The following RANGAP1 variants were observed in gnomAD, a reference collection of about 807,000 sequenced individuals.
RANGAP1 encodes Ran GTPase activating protein 1, also known as ran GTPase-activating protein 1.
A neutral mutation model predicts 63.5 loss-of-function variants in RANGAP1; 38 were observed. That is an observed-to-expected ratio of 0.60 (90% CI 0.46 to 0.78). The LOEUF is 0.78. Ranked by LOEUF, RANGAP1 falls within the 30% of genes least tolerant of loss-of-function variation. The probability of loss-of-function intolerance (pLI) is 0.00; values close to 1 mark genes in which losing one functional copy is unlikely to be tolerated. For missense variants in RANGAP1, 630 were observed against 740.3 expected, an observed-to-expected ratio of 0.85 and a Z score of 1.73; for synonymous variants, 329 against 310.5, an observed-to-expected ratio of 1.06 and a Z score of -0.63.
rs1433144808 is a variant in RANGAP1, at chr22:41,286,108, G to A, written c.-161C>T. The A allele has an allele frequency of 2.0e-5, 3 of 152,358 alleles. No individual in the cohort carries two copies. Among genetic ancestry groups the A allele is most frequent in the Non-Finnish European group, 2.9e-5 (2 of 68,112 alleles). The allele number at this position is 152,358 out of a possible 1,614,324, so 9.4% of individuals were successfully genotyped here. On this transcript the variant is annotated 5_prime_UTR_variant, in exon 1 of 16. Transcript: ENST00000356244. Reference sequence around the variant, plus strand: ...CACCTCCGGATCCAGCGGTCCAGATGTCCAGCCGGCTAGTCTGTTAGCTCT... The same window carrying A: ...CACCTCCGGATCCAGCGGTCCAGATATCCAGCCGGCTAGTCTGTTAGCTCT...
At chr22:41,274,568 C>T in intron 3 of RANGAP1, 32 bp downstream of exon 3, 2 of 1,611,756 alleles carry the variant, frequency 1.2e-6, no homozygotes, top group South Asian at 2.2e-5. Flanking sequence ...TTGTTCAAAC[C>T]AGCCTGGGCC....
Position 41,279,208 on chromosome 22 carries a change from C to T in RANGAP1, c.112+1725G>A, listed in dbSNP as rs566374149. Among the ~76,000 whole-genome samples the T allele has an allele frequency of 6.6e-5, 10 of 152,132 alleles. 1 individual carries two copies. The East Asian group carries it at 1.2e-3, about 18-fold the overall frequency. ...GCTGAAGGCCAGACACAGTGGCTCA[C>T]GCCTGTTATCCCAGTACTTTGGGGG... On this transcript the variant is annotated intron_variant, in intron 2 of 15. Transcript: ENST00000356244.
intron 5 of RANGAP1, 91 bp downstream of exon 5, chr22:41,264,573 C>T: frequency 7.1e-7 from 1 of 1,414,650 alleles, no homozygotes. Flanking sequence ...GCTGACCATC[C>T]CAGATGGTGG....
At chr22:41,295,039 C>A in the RANGAP1 span, among the ~76,000 whole-genome samples, 1 of 145,170 alleles carries the variant, frequency 6.9e-6, no homozygotes, top group African/African-American at 2.5e-5. Context: ...GGGGTCAGTC[C>A]CCCGCCCGGC....
In RANGAP1 at chr22:41,257,770, CT is replaced by C. The variant is rs2033929122; in HGVS notation, c.774+177del. Among the ~76,000 whole-genome samples, 12 of 152,186 alleles carry C rather than the reference CT, an allele frequency of 7.9e-5. No homozygotes were observed. Among genetic ancestry groups the C allele is most frequent in the Admixed American group, 7.9e-4 (12 of 15,266 alleles). On this transcript the variant is annotated intron_variant, in intron 7 of 15. Coordinates refer to ENST00000356244, the MANE Select transcript of RANGAP1 (RefSeq NM_002883.4). This position sits in a 1 kb window ranked among gnomAD's most constrained non-coding sequence, Gnocchi z 4.0. The stretch of plus-strand genomic sequence containing the variant: ...GCTGCCCGAGGAGGGCGTGGGTTAC[CT>C]TGGGACCTGCAACCCTGTTCAGGAC...
Position 41,280,094 on chromosome 22 carries a change from CA to C in RANGAP1, c.112+838del, listed in dbSNP as rs995481922. ...AGCCTGGGTGACAGAGACTCCATCT[CA>C]AAAAAAAAAAGTGATAAATGCACAG... On this transcript the variant is annotated intron_variant, in intron 2 of 15. Coordinates refer to ENST00000356244, the MANE Select transcript of RANGAP1 (RefSeq NM_002883.4). 4.6e-3 allele frequency among the ~76,000 whole-genome samples: 657 copies of C among 142,966 alleles called. 4 individuals carry two copies. Among genetic ancestry groups the C allele is most frequent in the Middle Eastern group, 0.014 (4 of 288 alleles). 93.8% of individuals were successfully genotyped at this position (142,966 alleles called of 152,430 possible). A position where few individuals can be genotyped will look rare whatever the true frequency, so the allele number is the denominator to read the frequency against.
At chr22:41,270,195 C>T (rs2034720623) in intron 3 of RANGAP1, among the ~76,000 whole-genome samples, 1 of 151,806 alleles carries the variant, frequency 6.6e-6, no homozygotes, top group Admixed American at 6.6e-5. Context: ...GGCTAGAGTG[C>T]AATGGCCTGA....
chr22:41,250,801 CCTCAGTTT>C (rs1218899628), intron 13 of RANGAP1, among the ~76,000 whole-genome samples, 198 bp downstream of exon 13: 1 of 152,134 alleles, frequency 6.6e-6, no homozygotes, highest in Non-Finnish European at 1.5e-5. Context: ...TTGGGAAAGG[CCTCAGTTT>C]CTCAGTGGTG....
At chr22:41,270,500 C>T (rs992898495) in intron 3 of RANGAP1, among the ~76,000 whole-genome samples, 5 of 152,216 alleles carry the variant, frequency 3.3e-5, no homozygotes, top group East Asian at 1.9e-4. Context: ...CAGGCCGGGG[C>T]GTAGCCATGC....
intron 15 of RANGAP1, among the ~76,000 whole-genome samples, chr22:41,248,755 T>G (rs989534115): frequency 6.6e-6 from 1 of 152,198 alleles, no homozygotes; most frequent in Non-Finnish European, 1.5e-5. Flanking sequence ...TACTTGACTG[T>G]GCCCATCACC....
At chr22:41,268,205 C>A in intron 3 of RANGAP1, 49 bp from the exon 4 acceptor site, 2 of 1,428,098 alleles carry the variant, frequency 1.4e-6, no homozygotes, top group African/African-American at 2.8e-5. Flanking sequence ...CCCCTGGAGG[C>A]CCATAGTGAA....
intron 5 of RANGAP1, among the ~76,000 whole-genome samples, chr22:41,263,230 G>C (rs1328135625): frequency 6.6e-6 from 1 of 152,180 alleles, no homozygotes; most frequent in African/African-American, 2.4e-5. Flanking sequence ...TCCAGGCACT[G>C]CTGGGCAGGA....
In RANGAP1 at chr22:41,257,886, G is replaced by A. The variant is rs2033936800; in HGVS notation, c.774+62C>T. The A allele has an allele frequency of 2.0e-6, 3 of 1,521,508 alleles. No homozygotes were observed. The highest frequency in any genetic ancestry group is 2.7e-6 in the Non-Finnish European group (3 of 1,122,800). 94.3% of individuals were successfully genotyped at this position (1,521,508 alleles called of 1,614,324 possible). On this transcript the variant is annotated intron_variant, in intron 7 of 15. Transcript: ENST00000356244. The surrounding 1 kb of genome is among the most constrained non-coding windows in gnomAD (Gnocchi z 4.0). ...TGCTAAACGGAGCCCCAGCTTCCCT[G>A]GAAAGACAGCAGCCAGCCTCTATCT...
At chr22:41,285,538 ACT>A in intron 1 of RANGAP1, 1 of 985,388 alleles carries the variant, frequency 1.0e-6, no homozygotes, top group Non-Finnish European at 1.2e-6. Context: ...GTCAGCAGTG[ACT>A]CACATCGATT....
chr22:41,270,234 A>G (rs1361662132), intron 3 of RANGAP1, among the ~76,000 whole-genome samples: 1 of 151,784 alleles, frequency 6.6e-6, no homozygotes, highest in East Asian at 1.9e-4. Context: ...TCCACCTCCC[A>G]AGTTCAAGTG....
At chr22:41,283,998 T>G (rs1053881342) in intron 1 of RANGAP1, among the ~76,000 whole-genome samples, 1 of 152,182 alleles carries the variant, frequency 6.6e-6, no homozygotes, top group Non-Finnish European at 1.5e-5. Flanking sequence ...CCTATAATCC[T>G]AGTACTTTGG....
At chr22:41,273,733 C>G (rs997492121) in intron 3 of RANGAP1, among the ~76,000 whole-genome samples, 9 of 129,448 alleles carry the variant, frequency 7.0e-5, no homozygotes, top group Non-Finnish European at 1.4e-4. Context: ...CACCACTGCA[C>G]ACCAGCCCGG....
Position 41,249,381 on chromosome 22 carries a change from T to C in RANGAP1, c.1643A>G (p.Gln548Arg), listed in dbSNP as rs1484347169. The C allele has an allele frequency of 6.2e-7, 1 of 1,613,846 alleles. No individual in the cohort carries two copies. Among genetic ancestry groups the C allele is most frequent in the African/African-American group, 1.3e-5 (1 of 74,958 alleles). Residue 548 changes from glutamine (Q) to arginine (R), a missense_variant, in exon 15 of 16, where the codon CAG (glutamine) becomes CGG (arginine). By Grantham distance (43) the Gln-to-Arg change is conservative. Coordinates refer to ENST00000356244, the MANE Select transcript of RANGAP1 (RefSeq NM_002883.4). ...TGCAAGGGCCTTGGGGAAATAGTCCTGCTGCACCATGTGGTTCAGCGCCAT... is the reference window on the plus strand; with the variant it reads ...TGCAAGGGCCTTGGGGAAATAGTCCCGCTGCACCATGTGGTTCAGCGCCAT... Reference protein sequence around the residue: ...PLMALNHMVQQDYFPKALAPL... With the variant: ...PLMALNHMVQRDYFPKALAPL...
rs1043876966 is a variant in RANGAP1 at position 41,280,857 on chromosome 22, C to A, written c.112+76G>T. The A allele has an allele frequency of 1.0e-5, 16 of 1,596,564 alleles. No homozygotes were observed. In the African/African-American group the frequency reaches 2.0e-4, roughly 20 times the overall value. The stretch of plus-strand genomic sequence containing the variant: ...AATGGAGACAATGTAGCAGAAAGAG[C>A]CTGACAACCAGTAAGAGTTCAGTAC... On this transcript the variant is annotated intron_variant, in intron 2 of 15. Coordinates refer to ENST00000356244, the MANE Select transcript of RANGAP1 (RefSeq NM_002883.4).
Sources: allele counts gnomAD v4.1 joint callset (sites outside exome capture counted in the v4.1 genomes callset), GRCh38; gene constraint gnomAD v4.1.1; non-coding constraint Gnocchi (gnomAD v3.1); transcripts MANE v1.5; gene names NCBI Gene and HGNC (gene_info 2026-07-23, HGNC 2026-07-21).